Variants in GPC5 observed in about 807,000 individuals in gnomAD.
GPC5 encodes glypican-5.
A neutral mutation model predicts 53.9 loss-of-function variants in GPC5; 47 were observed. The observed-to-expected ratio is 0.87, with a 90% CI of 0.69 to 1.11. The LOEUF (loss-of-function observed/expected upper bound fraction) is 1.11. GPC5 is among the 50% of genes most tolerant of loss of function. The pLI is 0.00. For missense variants in GPC5, 748 were observed against 713.1 expected (o/e 1.05, Z -0.56); for synonymous variants, 286 against 263.3 (o/e 1.09, Z -0.84).
Position 91,873,072 on chromosome 13 carries a change from A to C in GPC5, c.1281-34865A>C, listed in dbSNP as rs530555537. ...CTATCAGTAAATTATTGATTCATTT[A>C]AAATGTTTATTTTATAGAAAATGAT... On this transcript the variant is annotated intron_variant, in intron 5 of 7. Coordinates refer to ENST00000377067, the MANE Select transcript of GPC5 (RefSeq NM_004466.6). Among the ~76,000 whole-genome samples, 32 of 152,346 alleles carry C rather than the reference A, an allele frequency of 2.1e-4. 1 individual carries two copies. The South Asian group carries it at 2.3e-3, about 11-fold the overall frequency.
chr13:92,235,443 A>G (rs1392684033), intron 7 of GPC5, among the ~76,000 whole-genome samples: 2 of 152,114 alleles, frequency 1.3e-5, no homozygotes, highest in Non-Finnish European at 2.9e-5. Context: ...GCATATTTAT[A>G]AGGATGTTTT....
chr13:92,600,187 G>A (rs1884001541), intron 7 of GPC5, among the ~76,000 whole-genome samples: 1 of 152,024 alleles, frequency 6.6e-6, no homozygotes, highest in Non-Finnish European at 1.5e-5. Flanking sequence ...AGGTGGATTT[G>A]CTTTTTTTCT....
chr13:92,630,225 G>A (rs1885190802), intron 7 of GPC5, among the ~76,000 whole-genome samples: 1 of 152,120 alleles, frequency 6.6e-6, no homozygotes, highest in Non-Finnish European at 1.5e-5. Flanking sequence ...ATGTATGAAT[G>A]TATTTAACCT....
At chr13:92,797,823 A>AGATAGAT (rs1555313654) in intron 7 of GPC5, among the ~76,000 whole-genome samples, 71 of 65,970 alleles carry the variant, frequency 1.1e-3, no homozygotes, top group Non-Finnish European at 1.5e-3. Context: ...AAGGGATGAT[A>AGATAGAT]GATAGATAGA....
chr13:92,297,791 T>C (rs1849999404), intron 7 of GPC5, among the ~76,000 whole-genome samples: 1 of 151,856 alleles, frequency 6.6e-6, no homozygotes, highest in Non-Finnish European at 1.5e-5. Context: ...CCCGCTCGGG[T>C]CCCCTTCCAC....
intron 7 of GPC5, chr13:92,241,571 G>A (rs2042611782): frequency 6.6e-6 from 1 of 152,148 alleles, no homozygotes; most frequent in South Asian, 2.1e-4. Flanking sequence ...CATTACCTTA[G>A]ATGGTTTTAT....
chr13:91,478,880 ATTATATATATATATATATATATG>A (rs1883130276), intron 2 of GPC5, among the ~76,000 whole-genome samples: 4 of 27,690 alleles, frequency 1.4e-4, no homozygotes, highest in African/African-American at 7.0e-4. Context: ...ATATATACAC[ATTATATATATATATATATATATG>A]CACATATATA....
chr13:91,965,764 A>C (rs1330152935), intron 6 of GPC5, among the ~76,000 whole-genome samples: 1 of 152,146 alleles, frequency 6.6e-6, no homozygotes, highest in African/African-American at 2.4e-5. Context: ...CATTCAGTAC[A>C]TCCGTGCTTG....
At chr13:92,637,484 G>T (rs534054000) in intron 7 of GPC5, among the ~76,000 whole-genome samples, 1 of 152,284 alleles carries the variant, frequency 6.6e-6, no homozygotes, top group Admixed American at 6.5e-5. Flanking sequence ...TAAGTAGTTT[G>T]TGTTTCCACT....
At chr13:92,667,961 G>T (rs1370487449) in intron 7 of GPC5, among the ~76,000 whole-genome samples, 5 of 152,084 alleles carry the variant, frequency 3.3e-5, no homozygotes, top group Non-Finnish European at 7.4e-5. Context: ...CTTTGCCTAT[G>T]AATCCTAGAC....
At chr13:91,437,732 T>C (rs1249929013) in intron 1 of GPC5, among the ~76,000 whole-genome samples, 1 of 152,252 alleles carries the variant, frequency 6.6e-6, no homozygotes, top group African/African-American at 2.4e-5. Flanking sequence ...GAAGTTCTCC[T>C]GGATAATATC....
At chr13:92,174,490 G>A (rs573247243) in intron 7 of GPC5, among the ~76,000 whole-genome samples, 23 of 150,300 alleles carry the variant, frequency 1.5e-4, no homozygotes, top group African/African-American at 5.4e-4. Flanking sequence ...CGCAGAGATC[G>A]CACCACTGCA....
chr13:92,633,919 C>A (rs1400047457), intron 7 of GPC5, among the ~76,000 whole-genome samples: 3 of 151,928 alleles, frequency 2.0e-5, no homozygotes, highest in Admixed American at 6.6e-5. Flanking sequence ...ACATGGGTTG[C>A]ATATGTATGT....
intron 7 of GPC5, among the ~76,000 whole-genome samples, chr13:92,381,897 A>ATATAATATATATAT (rs1218262542): frequency 1.4e-4 from 14 of 101,336 alleles, no homozygotes; most frequent in Non-Finnish European, 2.0e-4. Flanking sequence ...TATTATATAT[A>ATATAATATATATAT]ATCATATATA....
intron 5 of GPC5, among the ~76,000 whole-genome samples, chr13:91,854,786 T>A (rs1317313797): frequency 6.6e-6 from 1 of 151,872 alleles, no homozygotes; most frequent in Non-Finnish European, 1.5e-5. Context: ...GTAAAATGTT[T>A]ATATTTTAAA....
intron 2 of GPC5, among the ~76,000 whole-genome samples, chr13:91,542,668 C>A (rs1008937816): frequency 4.6e-5 from 7 of 151,934 alleles, no homozygotes; most frequent in Admixed American, 4.6e-4. Flanking sequence ...TGATTGCAGT[C>A]TTCCTCAATT....
chr13:92,750,874 G>A (rs1291681044), intron 7 of GPC5, among the ~76,000 whole-genome samples: 1 of 152,090 alleles, frequency 6.6e-6, no homozygotes, highest in Non-Finnish European at 1.5e-5. Context: ...TGATATGTAT[G>A]TTTTCTGGCC....
intron 6 of GPC5, among the ~76,000 whole-genome samples, chr13:92,119,088 C>G (rs1485218613): frequency 1.3e-5 from 2 of 152,172 alleles, no homozygotes; most frequent in Non-Finnish European, 2.9e-5. Flanking sequence ...CATAGTTCCA[C>G]TTGGCTGGGG....
intron 7 of GPC5, among the ~76,000 whole-genome samples, chr13:92,503,817 G>A (rs1205366628): frequency 2.0e-5 from 3 of 151,764 alleles, no homozygotes; most frequent in Non-Finnish European, 1.5e-5. Flanking sequence ...GCACAACCAA[G>A]ATAACTTAGA....
Sources: gnomAD v4.1 joint callset for allele counts (sites outside exome capture counted in the v4.1 genomes callset) on GRCh38, gnomAD v4.1.1 for gene constraint, MANE v1.5 for transcripts, NCBI Gene and HGNC (gene_info 2026-07-23, HGNC 2026-07-21) for gene names.